NUDT9: variants seen among roughly 807,000 people sequenced by gnomAD.
NUDT9 encodes ADP-ribose pyrophosphatase.
Under a neutral mutation model 41.0 loss-of-function variants are expected in NUDT9, and 31 were observed. The observed-to-expected ratio is 0.76, with a 90% confidence interval of 0.57 to 1.02. The LOEUF (loss-of-function observed/expected upper bound fraction) is 1.02, where lower values mean the gene tolerates loss of function less well. Among genes scored for constraint, NUDT9 ranks in the 50% least tolerant of loss-of-function variants. The pLI is 0.00. For synonymous variants in NUDT9, 146 were observed against 147.6 expected (o/e 0.99, Z 0.08); for missense variants, 380 against 431.4 (o/e 0.88, Z 1.06).
At chr4:87,453,367 A>G (rs1306266694) in intron 6 of NUDT9, among the ~76,000 whole-genome samples, 1 of 152,204 alleles carries the variant, frequency 6.6e-6, no homozygotes, top group Non-Finnish European at 1.5e-5. Flanking sequence ...TTAAAAAATC[A>G]TATTGCCCAA....
chr4:87,428,831 G>A (rs984792559), intron 1 of NUDT9, among the ~76,000 whole-genome samples: 3 of 152,054 alleles, frequency 2.0e-5, no homozygotes, highest in Non-Finnish European at 4.4e-5. Context: ...ATAGCCTCCC[G>A]CATTGTCAAC....
chr4:87,458,442 T>A lies in NUDT9; in HGVS notation c.*421T>A, dbSNP rs545660779. On this transcript the variant is annotated 3_prime_UTR_variant, in exon 8 of 8. Transcript: ENST00000302174. Reference sequence around the variant, plus strand: ...ATGTTCCTGCCACATCAAACTCCTTTAGGCAGAGTACCGCCACTGGATGTA... The same window carrying A: ...ATGTTCCTGCCACATCAAACTCCTTAAGGCAGAGTACCGCCACTGGATGTA... 7.9e-4 allele frequency: 121 copies of A among 153,974 alleles called. No individual in the cohort carries two copies. Among genetic ancestry groups the A allele is most frequent in the Non-Finnish European group, 7.1e-4 (49 of 69,208 alleles). 9.5% of individuals were successfully genotyped at this position (153,974 alleles called of 1,614,324 possible).
In NUDT9 at chr4:87,439,313, C is replaced by T. The variant is rs115405887; in HGVS notation, c.443+941C>T. ...AGAAGCAAAGGTACATCTTACATGG[C>T]AACAGGTGACAGAGAGTGAATAAGT... is the stretch of plus-strand genomic sequence containing the variant. On this transcript the variant is annotated intron_variant, in intron 3 of 7. Transcript: ENST00000302174. Among the ~76,000 whole-genome samples, 491 of 152,116 alleles carry T rather than the reference C, an allele frequency of 3.2e-3. 5 individuals are homozygous for T. Among genetic ancestry groups the T allele is most frequent in the African/African-American group, 0.01 (431 of 41,518 alleles).
At chr4:87,437,265 A>AAAAG (rs1553964287) in intron 2 of NUDT9, among the ~76,000 whole-genome samples, 3 of 134,642 alleles carry the variant, frequency 2.2e-5, no homozygotes, top group Non-Finnish European at 3.3e-5. Context: ...AAAAAAAAAA[A>AAAAG]AAAGAAAGAA....
intron 1 of NUDT9, among the ~76,000 whole-genome samples, chr4:87,424,504 C>T (rs1425106788): frequency 6.6e-6 from 1 of 152,062 alleles, no homozygotes; most frequent in Non-Finnish European, 1.5e-5. Context: ...CCTCGTGATC[C>T]GCCCGTCTCG....
At chr4:87,445,567 A>T (rs7674852) in intron 4 of NUDT9, 1 of 152,208 alleles carries the variant, frequency 6.6e-6, no homozygotes, top group Non-Finnish European at 1.5e-5. Context: ...GGAAGTGTTA[A>T]TATATTATTG....
In NUDT9 at chr4:87,437,801, A is replaced by G. The variant is rs545961418; in HGVS notation, c.348-476A>G. Among the ~76,000 whole-genome samples, 82 of 152,312 alleles carry G rather than the reference A, an allele frequency of 5.4e-4. No homozygotes were observed. The South Asian group carries it at 0.017, about 31-fold the overall frequency. On this transcript the variant is annotated intron_variant, in intron 2 of 7. Coordinates refer to ENST00000302174, the MANE Select transcript of NUDT9 (RefSeq NM_024047.5). ...TATTTATTATGCAGCTTGTGGGGCAAATTCACTGCTTTGTGGGTTTACTCT... is the reference window on the plus strand; with the variant it reads ...TATTTATTATGCAGCTTGTGGGGCAGATTCACTGCTTTGTGGGTTTACTCT...
At chr4:87,423,865 T>C (rs752148189) in intron 1 of NUDT9, among the ~76,000 whole-genome samples, 26 of 152,222 alleles carry the variant, frequency 1.7e-4, no homozygotes, top group Non-Finnish European at 3.2e-4. Context: ...GTTGAGGGCA[T>C]GTGAGCAGGT....
chr4:87,422,803 C>T lies in NUDT9; in HGVS notation c.-103C>T, dbSNP rs1721188493. 8 of 788,954 alleles carry T rather than the reference C, an allele frequency of 1.0e-5. No homozygotes were observed. The Admixed American group carries it at 1.7e-4, about 17-fold the overall frequency. 48.9% of individuals were successfully genotyped at this position (788,954 alleles called of 1,614,324 possible). On this transcript the variant is annotated 5_prime_UTR_variant, in exon 1 of 8. Transcript: ENST00000302174. ...ACCCAACGGCAGACAGGTCCTAGTG[C>T]CCATCAGATACCCGCGGCCGGGACT...
At chr4:87,423,921 A>G (rs72877367) in intron 1 of NUDT9, among the ~76,000 whole-genome samples, 5,873 of 152,308 alleles carry the variant, frequency 0.039, 369 homozygotes, top group African/African-American at 0.13. Context: ...CAGGCTTTGC[A>G]GTAGTGGTGG....
At chr4:87,447,617 G>A (rs1377452384) in intron 4 of NUDT9, among the ~76,000 whole-genome samples, 1 of 151,872 alleles carries the variant, frequency 6.6e-6, no homozygotes, top group Admixed American at 6.6e-5. Context: ...AGAGAGTGTG[G>A]TTAGAAAAAG....
chr4:87,455,372 A>G (rs1722939506), intron 7 of NUDT9, among the ~76,000 whole-genome samples: 1 of 152,140 alleles, frequency 6.6e-6, no homozygotes, highest in Admixed American at 6.5e-5. Flanking sequence ...AAATATGCAG[A>G]TGTAAATTAG....
intron 5 of NUDT9, 36 bp from the exon 6 acceptor site, chr4:87,451,553 G>T: frequency 1.3e-6 from 2 of 1,570,032 alleles, no homozygotes; most frequent in South Asian, 2.3e-5. Flanking sequence ...AATCAAAGCT[G>T]ATCCCTTTTT....
At chr4:87,432,001 A>G (rs1213215678) in intron 1 of NUDT9, among the ~76,000 whole-genome samples, 1 of 152,114 alleles carries the variant, frequency 6.6e-6, no homozygotes, top group African/African-American at 2.4e-5. Context: ...GTGTTTTTTA[A>G]TGTAACCATT....
rs145184323 is a variant in NUDT9 at position 87,430,895 on chromosome 4, CTTGA to C, written c.108-4082_108-4079del. 5.4e-3 allele frequency among the ~76,000 whole-genome samples: 828 copies of C among 152,142 alleles called. 4 individuals carry two copies. The highest frequency in any genetic ancestry group is 0.019 in the African/African-American group (776 of 41,504). ...CTGTTCCATGGGTTGCTTTTTCTCT[CTTGA>C]TTGTGTCTTTTGATACCCAGAAGTT... is the stretch of plus-strand genomic sequence containing the variant. On this transcript the variant is annotated intron_variant, in intron 1 of 7. Coordinates refer to ENST00000302174, the MANE Select transcript of NUDT9 (RefSeq NM_024047.5).
chr4:87,437,976 C>A (rs1722027713), intron 2 of NUDT9, among the ~76,000 whole-genome samples: 1 of 152,030 alleles, frequency 6.6e-6, no homozygotes, highest in Admixed American at 6.6e-5. Flanking sequence ...TGCTAATAGA[C>A]CTTCTTGTAG....
chr4:87,427,941 G>A (rs1308410051), intron 1 of NUDT9, among the ~76,000 whole-genome samples: 1 of 152,142 alleles, frequency 6.6e-6, no homozygotes, highest in African/African-American at 2.4e-5. Flanking sequence ...TGGGTTTAAG[G>A]TGAGTGAGGG....
chr4:87,441,594 G>A (rs1722203415), intron 3 of NUDT9, among the ~76,000 whole-genome samples: 1 of 152,128 alleles, frequency 6.6e-6, no homozygotes, highest in South Asian at 2.1e-4. Context: ...AGAACCACTT[G>A]GGGTATGAGA....
intron 3 of NUDT9, among the ~76,000 whole-genome samples, chr4:87,439,036 G>A (rs569610926): frequency 3.9e-5 from 6 of 152,000 alleles, no homozygotes; most frequent in South Asian, 2.1e-4. Flanking sequence ...GCGTGGTGGC[G>A]GGCACCTGTA....
Sources: gnomAD v4.1 joint callset for allele counts (sites outside exome capture counted in the v4.1 genomes callset) on GRCh38, gnomAD v4.1.1 for gene constraint, MANE v1.5 for transcripts, NCBI Gene and HGNC (gene_info 2026-07-23, HGNC 2026-07-21) for gene names.